Variants in LIPI observed in about 807,000 individuals in gnomAD.
LIPI encodes the protein lipase I, also known as lipase member I.
LIPI carries 59 observed loss-of-function variants against 50.6 expected under a neutral mutation model. The observed-to-expected ratio is 1.16, with a 90% CI of 0.94 to 1.45. LIPI has a LOEUF of 1.45. LIPI is among the 40% of genes most tolerant of loss of function. The pLI is 0.00. For synonymous variants in LIPI, 203 were observed against 178.2 expected (o/e 1.14, Z -1.11); for missense variants, 586 against 536.3 (o/e 1.09, Z -0.92).
chr21:14,132,204 G>A (rs1241450852), intron 9 of LIPI, among the ~76,000 whole-genome samples: 1 of 152,132 alleles, frequency 6.6e-6, no homozygotes, highest in Non-Finnish European at 1.5e-5. Flanking sequence ...TGCAAATACA[G>A]GAGTCCCACT....
intron 7 of LIPI, among the ~76,000 whole-genome samples, chr21:14,158,615 A>G (rs924517181): frequency 4.0e-5 from 6 of 148,562 alleles, no homozygotes; most frequent in African/African-American, 9.8e-5. Context: ...AAATATATAT[A>G]TGTGTGTGTA....
intron 9 of LIPI, among the ~76,000 whole-genome samples, chr21:14,131,371 C>A (rs557489709): frequency 1.3e-5 from 2 of 152,284 alleles, no homozygotes; most frequent in East Asian, 3.9e-4. Context: ...GTTCAGTTAG[C>A]ATCCAAGTCC....
At chr21:14,174,766 G>T (rs1361524926) in intron 4 of LIPI, among the ~76,000 whole-genome samples, 1 of 152,076 alleles carries the variant, frequency 6.6e-6, no homozygotes, top group Admixed American at 6.6e-5. Flanking sequence ...TGCCAGCCAG[G>T]CTGGTCTCGA....
At chr21:14,185,014 T>G (rs564741648) in intron 3 of LIPI, among the ~76,000 whole-genome samples, 22 of 152,322 alleles carry the variant, frequency 1.4e-4, no homozygotes, top group Admixed American at 7.8e-4. Flanking sequence ...AAAGTTATTA[T>G]AAGTCTTCTA....
chr21:14,152,766 G>A, intron 7 of LIPI, 82 bp from the exon 8 acceptor site: 1 of 675,628 alleles, frequency 1.5e-6, no homozygotes, highest in Non-Finnish European at 2.6e-6. Flanking sequence ...ATATATATGT[G>A]TATGTATAGA....
At chr21:14,187,894 G>A (rs2019511152) in intron 2 of LIPI, among the ~76,000 whole-genome samples, 1 of 152,096 alleles carries the variant, frequency 6.6e-6, no homozygotes, top group Non-Finnish European at 1.5e-5. Context: ...CTATGTAATT[G>A]TTCAAAATTA....
At position 14,210,865 on chromosome 21, in the gene LIPI, A is replaced by C; in HGVS notation, c.-20T>G. ...TCTCATTTGGAATCTGAGAAAAGCA[A>C]AAACAGCACTCAATTCACCAAAAAG... is the stretch of plus-strand genomic sequence containing the variant. On this transcript the variant is annotated 5_prime_UTR_variant, in exon 1 of 10. Transcript: ENST00000681601. 1 of 1,230,850 alleles carries C rather than the reference A, an allele frequency of 8.1e-7. No individual in the cohort carries two copies. The highest frequency in any genetic ancestry group is 1.0e-6 in the Non-Finnish European group (1 of 962,148). 76.2% of individuals were successfully genotyped at this position (1,230,850 alleles called of 1,614,324 possible).
At chr21:14,113,918 T>C (rs2016515663) in intron 9 of LIPI, among the ~76,000 whole-genome samples, 1 of 152,174 alleles carries the variant, frequency 6.6e-6, no homozygotes, top group Admixed American at 6.5e-5. Flanking sequence ...CCGGGCTCAG[T>C]GGCTCACACC....
intron 8 of LIPI, among the ~76,000 whole-genome samples, chr21:14,152,051 G>A (rs12106484): frequency 1.4e-3 from 208 of 151,350 alleles, no homozygotes; most frequent in African/African-American, 4.9e-3. Context: ...ACACAAAGTC[G>A]TCTTTTACTC....
At chr21:14,109,167 A>T in intron 9 of LIPI, 87 bp from the exon 10 acceptor site, 1 of 1,026,200 alleles carries the variant, frequency 9.7e-7, no homozygotes, top group Non-Finnish European at 1.5e-6. Context: ...ATATTAGAAT[A>T]GTCCATGCCT....
intron 8 of LIPI, among the ~76,000 whole-genome samples, chr21:14,152,071 TTTTATTTA>T (rs71819029): frequency 0.019 from 2,730 of 143,476 alleles, 38 homozygotes; most frequent in African/African-American, 0.043. Context: ...CTTTAACTTA[TTTTATTTA>T]TTTATTTATT....
chr21:14,206,893 A>C, intron 1 of LIPI: 1 of 1,612,052 alleles, frequency 6.2e-7, no homozygotes, highest in Non-Finnish European at 8.5e-7. Context: ...TATTTTTGGC[A>C]CAAGTTATTA....
intron 7 of LIPI, among the ~76,000 whole-genome samples, chr21:14,159,569 T>A (rs1011682804): frequency 6.6e-6 from 1 of 151,322 alleles, no homozygotes; most frequent in Admixed American, 6.6e-5. Context: ...GATTGGATTT[T>A]TTTTTTCTCT....
At chr21:14,184,372 T>C (rs1485854776) in intron 3 of LIPI, among the ~76,000 whole-genome samples, 1 of 152,134 alleles carries the variant, frequency 6.6e-6, no homozygotes, top group Non-Finnish European at 1.5e-5. Context: ...ATATACCTAA[T>C]GCTAAATGAT....
At chr21:14,163,370 C>CA (rs768168084) in intron 7 of LIPI, 49 bp downstream of exon 7, 128 of 891,660 alleles carry the variant, frequency 1.4e-4, no homozygotes, top group Non-Finnish European at 1.8e-4. Context: ...TAGATTAGTG[C>CA]AAAAAAAACT....
Position 14,186,069 on chromosome 21 carries a change from T to A in LIPI, c.433A>T (p.Lys145Ter). ...SLSVHIKNLL[K>*]HGASLDNFHF... ...AAATTGTCAAGAGATGCACCATGCT[T>A]CTGCAATTAAAGAGAAAGGCAATAT... Residue 145 changes from lysine (K) to a stop codon, truncating the protein, a stop_gained and splice_region_variant, in exon 3 of 10, where the codon AAG (lysine) becomes TAG (stop). Coordinates refer to ENST00000681601, the MANE Select transcript of LIPI (RefSeq NM_001302998.2). LOFTEE classifies it high-confidence loss of function. 1 of 1,537,518 alleles carries A rather than the reference T, an allele frequency of 6.5e-7. No individual in the cohort carries two copies. Among genetic ancestry groups the A allele is most frequent in the Non-Finnish European group, 9.0e-7 (1 of 1,110,396 alleles).
intron 3 of LIPI, among the ~76,000 whole-genome samples, chr21:14,185,235 C>T (rs543786504): frequency 1.3e-5 from 2 of 152,110 alleles, no homozygotes; most frequent in African/African-American, 2.4e-5. Context: ...AAATTGGATG[C>T]AACTCCTGAT....
intron 5 of LIPI, 27 bp downstream of exon 5, chr21:14,166,335 G>C (rs1254072813): frequency 8.4e-7 from 1 of 1,186,270 alleles, no homozygotes; most frequent in Non-Finnish European, 1.3e-6. Flanking sequence ...ATATTATGTA[G>C]TTCATTCAAA....
intron 9 of LIPI, among the ~76,000 whole-genome samples, chr21:14,114,826 A>C (rs1396826377): frequency 6.6e-6 from 1 of 152,220 alleles, no homozygotes; most frequent in Non-Finnish European, 1.5e-5. Context: ...GTACATCATA[A>C]TCAAATTGCT....
Sources: gnomAD v4.1 joint callset for allele counts (sites outside exome capture counted in the v4.1 genomes callset) on GRCh38, gnomAD v4.1.1 for gene constraint, MANE v1.5 for transcripts, NCBI Gene and HGNC (gene_info 2026-07-23, HGNC 2026-07-21) for gene names.